MT1F: variants seen among roughly 807,000 people sequenced by gnomAD.
MT1F encodes metallothionein-1F.
MT1F carries 6 observed loss-of-function variants against 5.4 expected under a neutral mutation model. The ratio of observed to expected loss-of-function variants is 1.11; its 90% CI spans 0.61 to 2.19. MT1F has a LOEUF of 2.19. Among genes scored for constraint, MT1F ranks in the 30% most tolerant of loss-of-function variants. The probability of loss-of-function intolerance (pLI) is 0.00; values close to 1 mark genes in which losing one functional copy is unlikely to be tolerated. For missense variants in MT1F, 82 were observed against 77.0 expected (o/e 1.07, Z -0.24); for synonymous variants, 28 against 28.3 (o/e 0.99, Z 0.04).
rs1220333597 is a variant in MT1F at position 56,658,887 on chromosome 16, A to G, written c.94+147A>G. On this transcript the variant is annotated intron_variant, in intron 2 of 2. Transcript: ENST00000334350. Reference sequence around the variant, plus strand: ...GCCTTTCTAGTCTTCTGCCCTGTGCAGGGCGCCTGGGCAGCTTTCTCATAG... The same window carrying G: ...GCCTTTCTAGTCTTCTGCCCTGTGCGGGGCGCCTGGGCAGCTTTCTCATAG... 3 of 1,191,532 alleles carry G rather than the reference A, an allele frequency of 2.5e-6. No homozygotes were observed. In the African/African-American group the frequency reaches 4.5e-5, roughly 18 times the overall value. The allele number at this position is 1,191,532 out of a possible 1,614,324, so 73.8% of individuals were successfully genotyped here. A position where few individuals can be genotyped will look rare whatever the true frequency, so the allele number is the denominator to read the frequency against.
At chr16:56,658,153 G>T in intron 1 of MT1F, 67 bp downstream of exon 1, 3 of 1,575,100 alleles carry the variant, frequency 1.9e-6, no homozygotes, top group Middle Eastern at 3.5e-4. Flanking sequence ...GTGTTCCTGG[G>T]TTTGAGAAGG....
At chr16:56,658,507 A>G in intron 1 of MT1F, 168 bp from the exon 2 acceptor site, 1 of 693,214 alleles carries the variant, frequency 1.4e-6, no homozygotes, top group Non-Finnish European at 2.4e-6. Flanking sequence ...TGGCCTTCCC[A>G]GCATGAAGGG....
At chr16:56,658,365 G>A (rs1364504115) in intron 1 of MT1F, 8 of 586,374 alleles carry the variant, frequency 1.4e-5, no homozygotes, top group South Asian at 4.2e-5. Context: ...ACCAGGCTTT[G>A]AGCAGCAGGA....
chr16:56,659,085 G>C lies in MT1F; in HGVS notation c.107G>C (p.Cys36Ser). 1 of 1,613,804 alleles carries C rather than the reference G, an allele frequency of 6.2e-7. No individual in the cohort carries two copies. Among genetic ancestry groups the C allele is most frequent in the African/African-American group, 1.3e-5 (1 of 75,018 alleles). Residue 36 changes from cysteine to serine, a missense_variant, in exon 3 of 3, where the codon TGC (cysteine) becomes TCC (serine). By Grantham distance (112) the Cys-to-Ser change is moderately radical. Coordinates refer to ENST00000334350, the MANE Select transcript of MT1F (RefSeq NM_005949.4). ...TCTTCTTCCCCAGGCTGCTGCTCCT[G>C]CTGCCCCGTGGGCTGTAGCAAGTGT... ...CTSCKKSCCSCCPVGCSKCAQ... is the reference protein window; with the variant it reads ...CTSCKKSCCSSCPVGCSKCAQ...
At position 56,658,101 on chromosome 16, in the gene MT1F, G is replaced by C. The variant is rs762227803; in HGVS notation, c.28+15G>C. The C allele has an allele frequency of 1.3e-5, 21 of 1,614,034 alleles. No homozygotes were observed. The highest frequency in any genetic ancestry group is 1.8e-5 in the Non-Finnish European group (21 of 1,179,910). ...CTGCGCCGCTGGTAAGGAACGCCGGGTTCCGTGCCTGGGGATGCTCGATTC... is the reference window on the plus strand; with the variant it reads ...CTGCGCCGCTGGTAAGGAACGCCGGCTTCCGTGCCTGGGGATGCTCGATTC... On this transcript the variant is annotated intron_variant, in intron 1 of 2. Coordinates refer to ENST00000334350, the MANE Select transcript of MT1F (RefSeq NM_005949.4).
chr16:56,658,473 T>C, intron 1 of MT1F: 1 of 623,536 alleles, frequency 1.6e-6, no homozygotes, highest in Non-Finnish European at 2.8e-6. Flanking sequence ...GGACTTTCCT[T>C]TGGAGTGCAA....
In MT1F at chr16:56,659,108, T is replaced by C. The variant is rs151316752; in HGVS notation, c.130T>C (p.Cys44Arg). ...CTGCTGCCCCGTGGGCTGTAGCAAG[T>C]GTGCCCAGGGCTGTGTTTGCAAAGG... ...CSCCPVGCSK[C>R]AQGCVCKGAS... The change falls in exon 3 of 3, where the codon TGT (cysteine) becomes CGT (arginine). Residue 44 changes from cysteine to arginine, a missense_variant. By Grantham distance (180) the Cys-to-Arg change is radical. Coordinates refer to ENST00000334350, the MANE Select transcript of MT1F (RefSeq NM_005949.4). 1.1e-3 allele frequency: 1,820 copies of C among 1,614,056 alleles called. 11 individuals are homozygous for C. In the African/African-American group the frequency reaches 0.018, roughly 16 times the overall value.
intron 1 of MT1F, 139 bp from the exon 2 acceptor site, chr16:56,658,536 C>T: frequency 1.2e-6 from 1 of 841,980 alleles, no homozygotes; most frequent in Non-Finnish European, 1.9e-6. Flanking sequence ...TGGGGCTTCT[C>T]TTCCTCTGCT....
chr16:56,659,290 C>A lies in MT1F; in HGVS notation c.*126C>A, dbSNP rs1380830247. ...GTGAAATATGTGAGTGATAATTAAA[C>A]ACTTTAGACCTGATTCTGACTTCAG... On this transcript the variant is annotated 3_prime_UTR_variant, in exon 3 of 3. Coordinates refer to ENST00000334350, the MANE Select transcript of MT1F (RefSeq NM_005949.4). 8 of 842,056 alleles carry A rather than the reference C, an allele frequency of 9.5e-6. No individual in the cohort carries two copies. The highest frequency in any genetic ancestry group is 1.5e-5 in the Non-Finnish European group (8 of 534,328). The allele number at this position is 842,056 out of a possible 1,614,324, so 52.2% of individuals were successfully genotyped here. A position where few individuals can be genotyped will look rare whatever the true frequency, so the allele number is the denominator to read the frequency against.
intron 2 of MT1F, 123 bp from the exon 3 acceptor site, chr16:56,658,950 C>G: frequency 1.8e-6 from 2 of 1,084,826 alleles, no homozygotes; most frequent in Non-Finnish European, 2.8e-6. Flanking sequence ...TGTCTCCTGA[C>G]AAAGCCATAC....
intron 2 of MT1F, 26 bp from the exon 3 acceptor site, chr16:56,659,047 C>G: frequency 1.2e-6 from 2 of 1,605,884 alleles, no homozygotes; most frequent in Non-Finnish European, 1.7e-6. Flanking sequence ...TTGGCTGTGA[C>G]CTCTCATGCT....
intron 1 of MT1F, 194 bp downstream of exon 1, chr16:56,658,280 T>C (rs1423664775): frequency 3.0e-6 from 2 of 657,790 alleles, no homozygotes; most frequent in African/African-American, 3.7e-5. Flanking sequence ...GCGTTGAGGG[T>C]ACTGAGGCTC....
Position 56,659,092 on chromosome 16 carries a change from CG to C in MT1F, c.115del (p.Val39TrpfsTer49). On this transcript the variant is annotated frameshift_variant, in exon 3 of 3. Coordinates refer to ENST00000334350, the MANE Select transcript of MT1F (RefSeq NM_005949.4). LOFTEE classifies it high-confidence loss of function. ...CKKSCCSCCP[V>X]GCSKCAQGCV... ...CCCCAGGCTGCTGCTCCTGCTGCCC[CG>C]TGGGCTGTAGCAAGTGTGCCCAGGG... 6.2e-7 allele frequency: 1 copy of C among 1,613,932 alleles called. No individual in the cohort carries two copies. The highest frequency in any genetic ancestry group is 8.5e-7 in the Non-Finnish European group (1 of 1,179,984).
chr16:56,658,995 T>C, intron 2 of MT1F, 78 bp from the exon 3 acceptor site: 1 of 1,295,956 alleles, frequency 7.7e-7, no homozygotes. Context: ...GGCTGGAGGC[T>C]CTGTTGGGGG....
intron 2 of MT1F, 95 bp from the exon 3 acceptor site, chr16:56,658,978 C>T: frequency 1.7e-6 from 2 of 1,169,772 alleles, no homozygotes; most frequent in Non-Finnish European, 2.5e-6. Context: ...AACTGAGGGT[C>T]CTTTGTGGCT....
Position 56,658,029 on chromosome 16 carries a change from T to A in MT1F, c.-30T>A, listed in dbSNP as rs772017075. 6.2e-7 allele frequency: 1 copy of A among 1,613,346 alleles called. No homozygotes were observed. The highest frequency in any genetic ancestry group is 1.1e-5 in the South Asian group (1 of 91,062). On this transcript the variant is annotated 5_prime_UTR_variant, in exon 1 of 3. It adds an upstream start codon to the 5' untranslated region. Transcript: ENST00000334350. ...GCCCCACTGCTTCTTCGCTTCTCTC[T>A]TGGAAAGTCCAGTCTCTCCTCGGCT...
intron 1 of MT1F, 154 bp from the exon 2 acceptor site, chr16:56,658,521 G>A (rs1597076308): frequency 1.3e-6 from 1 of 743,556 alleles, no homozygotes; most frequent in Non-Finnish European, 2.2e-6. Context: ...TGAAGGGAGA[G>A]GACATGGGGC....
rs749593125 is a variant in MT1F at position 56,658,724 on chromosome 16, C to G, written c.78C>G (p.Cys26Trp). Residue 26 changes from cysteine (C) to tryptophan (W), a missense_variant, in exon 2 of 3, where the codon TGC becomes TGG. Cys to Trp is a radical substitution (Grantham distance 215). Coordinates refer to ENST00000334350, the MANE Select transcript of MT1F (RefSeq NM_005949.4). ...CCTGCAAGTGCAAAGAGTGCAAATG[C>G]ACCTCCTGCAAGAAGAGTGAGTGTG... ...AGSCKCKECK[C>W]TSCKKSCCSC... 6.2e-7 allele frequency: 1 copy of G among 1,614,090 alleles called. No homozygotes were observed. Among genetic ancestry groups the G allele is most frequent in the Admixed American group, 1.7e-5 (1 of 60,014 alleles).
rs1260229340 is a variant in MT1F, at chr16:56,658,437, T to A, written c.29-238T>A. Reference sequence around the variant, plus strand: ...TCAGGACAGAAAGTCGAAGTCGCCGTCTTCCCAGGCTGTGCCTGGAGCCTG... The same window carrying A: ...TCAGGACAGAAAGTCGAAGTCGCCGACTTCCCAGGCTGTGCCTGGAGCCTG... On this transcript the variant is annotated intron_variant, in intron 1 of 2. Coordinates refer to ENST00000334350, the MANE Select transcript of MT1F (RefSeq NM_005949.4). 3 of 599,670 alleles carry A rather than the reference T, an allele frequency of 5.0e-6. No individual in the cohort carries two copies. The African/African-American group carries it at 5.6e-5, about 11-fold the overall frequency. 37.1% of individuals were successfully genotyped at this position (599,670 alleles called of 1,614,324 possible).
Sources: allele counts gnomAD v4.1 joint callset, GRCh38; gene constraint gnomAD v4.1.1; transcripts MANE v1.5; gene names NCBI Gene and HGNC (gene_info 2026-07-23, HGNC 2026-07-21).